GALNT13: variants seen among roughly 807,000 people sequenced by gnomAD.
GALNT13 encodes the protein polypeptide N-acetylgalactosaminyltransferase 13.
In GALNT13, 28 loss-of-function variants were observed where a neutral mutation model predicts 64.2. That is an observed-to-expected ratio of 0.44 (90% CI 0.32 to 0.60). The LOEUF is 0.60. Ranked by LOEUF, GALNT13 falls within the 20% of genes least tolerant of loss-of-function variation. The probability of loss-of-function intolerance (pLI) is 0.05; values close to 1 mark genes in which losing one functional copy is unlikely to be tolerated. For missense variants in GALNT13, 577 were observed against 669.8 expected (o/e 0.86, Z 1.53); for synonymous variants, 214 against 224.6 (o/e 0.95, Z 0.42).
chr2:153,355,689 C>T, the GALNT13 span, among the ~76,000 whole-genome samples: 47 of 152,162 alleles, frequency 3.1e-4, no homozygotes, highest in Middle Eastern at 3.4e-3. Flanking sequence ...CCTTAACTCT[C>T]GGCCCTGGGT....
At chr2:153,640,495 A>G in the GALNT13 span, among the ~76,000 whole-genome samples, 1 of 152,130 alleles carries the variant, frequency 6.6e-6, no homozygotes, top group Non-Finnish European at 1.5e-5. Flanking sequence ...GAAGTTTGTC[A>G]GGGCCCGGCA....
the GALNT13 span, among the ~76,000 whole-genome samples, chr2:153,746,325 A>T: frequency 6.6e-6 from 1 of 152,298 alleles, no homozygotes; most frequent in South Asian, 2.1e-4. Context: ...ATCATGGATT[A>T]GTTAGCTAAT....
chr2:153,084,160 T>A, the GALNT13 span, among the ~76,000 whole-genome samples: 1 of 152,196 alleles, frequency 6.6e-6, no homozygotes, highest in Non-Finnish European at 1.5e-5. Flanking sequence ...TAATTTGAAG[T>A]TGGATAATGT....
intron 3 of GALNT13, among the ~76,000 whole-genome samples, chr2:154,035,935 A>G (rs1698635614): frequency 6.6e-6 from 1 of 152,024 alleles, no homozygotes; most frequent in Admixed American, 6.6e-5. Flanking sequence ...TAGGTAACAA[A>G]AATGATAGAC....
chr2:153,688,884 A>G, the GALNT13 span, among the ~76,000 whole-genome samples: 1 of 151,822 alleles, frequency 6.6e-6, no homozygotes, highest in Non-Finnish European at 1.5e-5. Flanking sequence ...TCTGTTATCA[A>G]TATTATTGTT....
intron 3 of GALNT13, among the ~76,000 whole-genome samples, chr2:154,032,841 C>G (rs148931637): frequency 2.6e-3 from 374 of 143,642 alleles, no homozygotes; most frequent in South Asian, 4.9e-3. Flanking sequence ...AGATCAGAAA[C>G]AAGGTATATG....
At chr2:153,550,527 C>T in the GALNT13 span, among the ~76,000 whole-genome samples, 9 of 152,098 alleles carry the variant, frequency 5.9e-5, no homozygotes, top group African/African-American at 2.2e-4. Flanking sequence ...GCCACCGTGC[C>T]CAGGCTTAAC....
At chr2:153,875,773 A>AATATGCTACATAAAATAAATATGCTAC (rs1445805315) in intron 1 of GALNT13, among the ~76,000 whole-genome samples, 1 of 152,224 alleles carries the variant, frequency 6.6e-6, no homozygotes, top group African/African-American at 2.4e-5. Context: ...GTCTAAAATA[A>AATATGCTACATAAAATAAATATGCTAC]ATTATAATGC....
chr2:154,010,326 GT>G (rs915369052), intron 3 of GALNT13, among the ~76,000 whole-genome samples: 2 of 152,094 alleles, frequency 1.3e-5, no homozygotes, highest in Admixed American at 6.6e-5. Context: ...CTTGAAAACC[GT>G]TTCCGTGTCT....
the GALNT13 span, among the ~76,000 whole-genome samples, chr2:153,283,156 G>T: frequency 6.6e-6 from 1 of 152,166 alleles, no homozygotes; most frequent in Non-Finnish European, 1.5e-5. Flanking sequence ...AAAAAGATGG[G>T]AGGGGCCAGA....
At chr2:153,282,337 T>G in the GALNT13 span, among the ~76,000 whole-genome samples, 1 of 152,226 alleles carries the variant, frequency 6.6e-6, no homozygotes. Flanking sequence ...TTGTACTTCC[T>G]TGCAGTCCAT....
chr2:153,969,028 A>AATT (rs1574232038), intron 3 of GALNT13, among the ~76,000 whole-genome samples: 1 of 151,764 alleles, frequency 6.6e-6, no homozygotes, highest in East Asian at 2.0e-4. Context: ...AATGAGGATG[A>AATT]ATTTTAATTT....
the GALNT13 span, among the ~76,000 whole-genome samples, chr2:153,190,975 A>T: frequency 6.7e-6 from 1 of 150,086 alleles, no homozygotes; most frequent in African/African-American, 2.5e-5. Context: ...GGTTTTTTTA[A>T]GGTCTTTTGG....
intron 9 of GALNT13, 33 bp from the exon 10 acceptor site, chr2:154,395,958 C>G: frequency 6.4e-7 from 1 of 1,556,414 alleles, no homozygotes; most frequent in Non-Finnish European, 8.7e-7. Flanking sequence ...AAAAATAGCA[C>G]AAACTGATTT....
chr2:153,418,105 T>A, the GALNT13 span, among the ~76,000 whole-genome samples: 1 of 152,090 alleles, frequency 6.6e-6, no homozygotes, highest in African/African-American at 2.4e-5. Flanking sequence ...AGTATCCAGG[T>A]GGACCCAATG....
chr2:153,603,452 T>C, the GALNT13 span, among the ~76,000 whole-genome samples: 1 of 151,984 alleles, frequency 6.6e-6, no homozygotes, highest in African/African-American at 2.4e-5. Flanking sequence ...TACCATATAC[T>C]TGTCTATATC....
chr2:153,693,186 G>A, the GALNT13 span, among the ~76,000 whole-genome samples: 4 of 152,142 alleles, frequency 2.6e-5, no homozygotes, highest in Non-Finnish European at 4.4e-5. Context: ...CAGATCTCTG[G>A]TACTTGAAAT....
chr2:153,702,319 G>A, the GALNT13 span, among the ~76,000 whole-genome samples: 10 of 152,030 alleles, frequency 6.6e-5, no homozygotes, highest in African/African-American at 2.4e-4. Flanking sequence ...CCCAGGGAGG[G>A]GAACAACATA....
At chr2:154,287,037 G>A (rs1419677783) in intron 8 of GALNT13, 2 of 648,238 alleles carry the variant, frequency 3.1e-6, no homozygotes, top group Non-Finnish European at 2.9e-6. Context: ...TCTCCAGGCA[G>A]GTGAGTGATG....
Sources: gnomAD v4.1 joint callset for allele counts (sites outside exome capture counted in the v4.1 genomes callset) on GRCh38, gnomAD v4.1.1 for gene constraint, MANE v1.5 for transcripts, NCBI Gene and HGNC (gene_info 2026-07-23, HGNC 2026-07-21) for gene names.